LRRC3B: variants seen among roughly 807,000 people sequenced by gnomAD.
LRRC3B encodes the protein leucine-rich repeat-containing protein 3B.
Under a neutral mutation model 12.8 loss-of-function variants are expected in LRRC3B, and 2 were observed. The ratio of observed to expected loss-of-function variants is 0.16; its 90% confidence interval spans 0.06 to 0.49. The LOEUF is 0.49. LRRC3B is among the 20% of genes least tolerant of loss of function. The pLI is 0.96. For missense variants in LRRC3B, 189 were observed against 319.4 expected (o/e 0.59, Z 3.11); for synonymous variants, 132 against 122.0 (o/e 1.08, Z -0.54).
chr3:26,632,894 T>G (rs1391265744), intron 1 of LRRC3B, among the ~76,000 whole-genome samples: 1 of 152,148 alleles, frequency 6.6e-6, no homozygotes, highest in African/African-American at 2.4e-5. Context: ...TGCTGACGAT[T>G]GTCCACATTT....
At chr3:26,648,985 T>G (rs955095852) in intron 1 of LRRC3B, among the ~76,000 whole-genome samples, 1 of 152,212 alleles carries the variant, frequency 6.6e-6, no homozygotes, top group Non-Finnish European at 1.5e-5. Context: ...TTTAGAGAGC[T>G]TTGTTTGAAG....
intron 1 of LRRC3B, among the ~76,000 whole-genome samples, chr3:26,680,908 A>G (rs1312864787): frequency 6.6e-6 from 1 of 152,220 alleles, no homozygotes; most frequent in Non-Finnish European, 1.5e-5. Context: ...TTCCTATATC[A>G]TTATTAATCA....
At chr3:26,664,231 A>G (rs1347716177) in intron 1 of LRRC3B, among the ~76,000 whole-genome samples, 1 of 152,192 alleles carries the variant, frequency 6.6e-6, no homozygotes, top group East Asian at 1.9e-4. Flanking sequence ...TCATACCCTG[A>G]CAAGTCTTCA....
Position 26,679,149 on chromosome 3 carries a change from A to G in LRRC3B, c.-160-30364A>G, listed in dbSNP as rs967944094. Among the ~76,000 whole-genome samples, 5 of 152,212 alleles carry G rather than the reference A, an allele frequency of 3.3e-5. No individual in the cohort carries two copies. The East Asian group carries it at 9.6e-4, about 29-fold the overall frequency. On this transcript the variant is annotated intron_variant, in intron 1 of 1. Transcript: ENST00000396641. ...TATTCAAATATTTAAACAGAGTTGT[A>G]CAAAATCCTCTAGGTTGGATGATCT...
intron 1 of LRRC3B, among the ~76,000 whole-genome samples, chr3:26,698,139 T>TGGC (rs1274990830): frequency 2.6e-5 from 4 of 152,168 alleles, no homozygotes. Flanking sequence ...GTGGTGGTGG[T>TGGC]GGCAGTAGTA....
rs117886315 is a variant in LRRC3B, at chr3:26,631,924, A to G, written c.-161+8687A>G. On this transcript the variant is annotated intron_variant, in intron 1 of 1. Coordinates refer to ENST00000396641, the Ensembl canonical transcript of LRRC3B. ...TTATAATGTCAAGGATGTGTCTGAC[A>G]TTGTTTTATTTTTACTCCATATGAT... Among the ~76,000 whole-genome samples the G allele has an allele frequency of 6.2e-4, 94 of 152,316 alleles. 1 individual carries two copies. The East Asian group carries it at 0.017, about 27-fold the overall frequency.
At chr3:26,624,840 C>T (rs1039891467) in intron 1 of LRRC3B, 1 of 152,226 alleles carries the variant, frequency 6.6e-6, no homozygotes, top group African/African-American at 2.4e-5. Flanking sequence ...CCTTTGCACC[C>T]CAGCAATCTG....
chr3:26,664,741 C>G (rs1309583586), intron 1 of LRRC3B, among the ~76,000 whole-genome samples: 1 of 151,944 alleles, frequency 6.6e-6, no homozygotes, highest in African/African-American at 2.4e-5. Flanking sequence ...TTAGGTCTCG[C>G]CTCCGATTTG....
chr3:26,687,475 G>C (rs1444099509), intron 1 of LRRC3B, among the ~76,000 whole-genome samples: 1 of 152,118 alleles, frequency 6.6e-6, no homozygotes, highest in Non-Finnish European at 1.5e-5. Flanking sequence ...TAAAATTTGG[G>C]CTTCTCTGTG....
chr3:26,684,787 G>A (rs778916556), intron 1 of LRRC3B, among the ~76,000 whole-genome samples: 6 of 152,094 alleles, frequency 3.9e-5, no homozygotes, highest in Non-Finnish European at 5.9e-5. Flanking sequence ...GACAAACATT[G>A]AAACCATAGC....
At chr3:26,705,648 G>A (rs557957969) in intron 1 of LRRC3B, among the ~76,000 whole-genome samples, 1 of 152,178 alleles carries the variant, frequency 6.6e-6, no homozygotes, top group African/African-American at 2.4e-5. Flanking sequence ...CTTTGGGTTT[G>A]TGTGTAGTTG....
At chr3:26,629,504 G>A (rs1271624892) in intron 1 of LRRC3B, among the ~76,000 whole-genome samples, 1 of 152,134 alleles carries the variant, frequency 6.6e-6, no homozygotes, top group Non-Finnish European at 1.5e-5. Flanking sequence ...TGCTACAGAG[G>A]GCTCCCCCTG....
chr3:26,675,910 G>A (rs188563841), intron 1 of LRRC3B, among the ~76,000 whole-genome samples: 125 of 150,920 alleles, frequency 8.3e-4, no homozygotes, highest in Admixed American at 1.8e-3. Context: ...AAAATAAAAT[G>A]TGGGAATCTG....
intron 1 of LRRC3B, among the ~76,000 whole-genome samples, chr3:26,699,142 C>T (rs546509272): frequency 6.6e-6 from 1 of 152,026 alleles, no homozygotes; most frequent in Non-Finnish European, 1.5e-5. Context: ...ATGCTTTCCT[C>T]TTGATTAGAT....
Position 26,636,091 on chromosome 3 carries a change from C to G in LRRC3B, c.-161+12854C>G, listed in dbSNP as rs149676705. Among the ~76,000 whole-genome samples, 409 of 152,156 alleles carry G rather than the reference C, an allele frequency of 2.7e-3. 1 individual carries two copies. The highest frequency in any genetic ancestry group is 8.9e-3 in the African/African-American group (368 of 41,524). On this transcript the variant is annotated intron_variant, in intron 1 of 1. Coordinates refer to ENST00000396641, the Ensembl canonical transcript of LRRC3B. ...ACAGTCAGCATGCTTTCCTATTTACCCAGGATGCAAGCAAGTGACTGTTTC... is the reference window on the plus strand; with the variant it reads ...ACAGTCAGCATGCTTTCCTATTTACGCAGGATGCAAGCAAGTGACTGTTTC...
intron 1 of LRRC3B, among the ~76,000 whole-genome samples, chr3:26,697,696 C>T (rs867882290): frequency 6.6e-6 from 1 of 152,156 alleles, no homozygotes; most frequent in Non-Finnish European, 1.5e-5. Flanking sequence ...TTCATTACAG[C>T]ATCAACTCAG....
intron 1 of LRRC3B, among the ~76,000 whole-genome samples, chr3:26,646,610 A>C (rs200241677): frequency 0.033 from 1,184 of 35,352 alleles, 39 homozygotes; most frequent in Middle Eastern, 0.17. Context: ...AAAAAAAAAA[A>C]AAAAAAAAAA....
At chr3:26,684,453 C>G (rs1458206756) in intron 1 of LRRC3B, among the ~76,000 whole-genome samples, 3 of 152,224 alleles carry the variant, frequency 2.0e-5, no homozygotes, top group Admixed American at 6.5e-5. Context: ...AGCTCTCTTA[C>G]TGACTGCCTT....
intron 1 of LRRC3B, among the ~76,000 whole-genome samples, chr3:26,637,215 T>C (rs1041459079): frequency 6.6e-6 from 1 of 151,916 alleles, no homozygotes; most frequent in East Asian, 2.0e-4. Context: ...TGTTTCTAAA[T>C]GTACATTCAT....
Sources: gnomAD v4.1 joint callset for allele counts (sites outside exome capture counted in the v4.1 genomes callset) on GRCh38, gnomAD v4.1.1 for gene constraint, MANE v1.5 for transcripts, NCBI Gene and HGNC (gene_info 2026-07-23, HGNC 2026-07-21) for gene names.